The following IRAG2 variants were observed in gnomAD, a reference collection of about 807,000 sequenced individuals.
IRAG2 encodes lymphoid restricted membrane protein.
In IRAG2, 45 loss-of-function variants were observed where a neutral mutation model predicts 69.9. That is an observed-to-expected ratio of 0.64 (90% CI 0.51 to 0.83). The LOEUF is 0.83. Ranked by LOEUF, IRAG2 falls within the 40% of genes least tolerant of loss-of-function variation. The probability of loss-of-function intolerance (pLI) is 0.00; values close to 1 mark genes in which losing one functional copy is unlikely to be tolerated. For synonymous variants in IRAG2, 193 were observed against 202.4 expected (o/e 0.95, Z 0.40); for missense variants, 520 against 587.0 (o/e 0.89, Z 1.18).
upstream of IRAG2, among the ~76,000 whole-genome samples, chr12:25,004,016 T>C (rs544584554): frequency 2.2e-3 from 328 of 152,348 alleles, 1 homozygote; most frequent in Middle Eastern, 6.8e-3. Context: ...TGTCAGAGAA[T>C]GGAGAAAGCA....
In IRAG2 at chr12:25,030,330, A is replaced by G. The variant is rs527568688; in HGVS notation, c.1514A>G (p.Gln505Arg). The change falls in exon 10 of 39, where the codon CAG becomes CGG. Residue 505 changes from glutamine (Q) to arginine (R), a missense_variant. Gln to Arg is a conservative substitution (Grantham distance 43). Transcript: ENST00000636465. Reference sequence around the variant, plus strand: ...TTGCTTAATAAAGATACAAGTTTGCAGAAGGTTGGTATTGTTCCTTACCAC... The same window carrying G: ...TTGCTTAATAAAGATACAAGTTTGCGGAAGGTTGGTATTGTTCCTTACCAC... 1.7e-5 allele frequency: 21 copies of G among 1,231,536 alleles called. No homozygotes were observed. In the African/African-American group the frequency reaches 3.1e-4, roughly 18 times the overall value. The allele number at this position is 1,231,536 out of a possible 1,614,324, so 76.3% of individuals were successfully genotyped here. A position where few individuals can be genotyped will look rare whatever the true frequency, so the allele number is the denominator to read the frequency against.
At chr12:25,014,434 A>G (rs183560489) in intron 3 of IRAG2, among the ~76,000 whole-genome samples, 7 of 152,304 alleles carry the variant, frequency 4.6e-5, no homozygotes, top group Admixed American at 3.9e-4. Context: ...CACAATGACA[A>G]ACAATGAGAT....
chr12:25,042,166 G>A (rs1944756027), intron 16 of IRAG2, among the ~76,000 whole-genome samples: 1 of 152,016 alleles, frequency 6.6e-6, no homozygotes, highest in Non-Finnish European at 1.5e-5. Flanking sequence ...TTTTGAGGGT[G>A]GATCTGATCA....
intron 3 of IRAG2, among the ~76,000 whole-genome samples, chr12:25,014,784 A>G (rs542051525): frequency 5.7e-4 from 87 of 151,604 alleles, no homozygotes; most frequent in African/African-American, 2.0e-3. Context: ...TGATCTTGCA[A>G]CCTCCACAAG....
chr12:25,085,362 G>T (rs923567914), intron 10 of IRAG2, among the ~76,000 whole-genome samples: 3 of 152,142 alleles, frequency 2.0e-5, no homozygotes, highest in African/African-American at 7.2e-5. Flanking sequence ...TGGGAAGGGG[G>T]TATTCCCCTG....
At chr12:25,031,597 CA>C (rs1370142174) in intron 10 of IRAG2, among the ~76,000 whole-genome samples, 3 of 152,160 alleles carry the variant, frequency 2.0e-5, no homozygotes, top group Non-Finnish European at 4.4e-5. Flanking sequence ...CTGGGTCAGA[CA>C]AACACAGATT....
chr12:25,056,858 G>C (rs1945285785), intron 1 of IRAG2, among the ~76,000 whole-genome samples: 1 of 152,150 alleles, frequency 6.6e-6, no homozygotes, highest in South Asian at 2.1e-4. Flanking sequence ...GCTTTATTTT[G>C]AGAAAATTAA....
upstream of IRAG2, among the ~76,000 whole-genome samples, chr12:25,051,715 C>T (rs551736969): frequency 9.8e-5 from 15 of 152,296 alleles, no homozygotes; most frequent in African/African-American, 2.9e-4. Flanking sequence ...TGCCTGGGGG[C>T]GGTCCTTCCT....
At chr12:25,032,396 C>G (rs957432411) in intron 12 of IRAG2, 2 of 399,024 alleles carry the variant, frequency 5.0e-6, no homozygotes, top group Non-Finnish European at 8.8e-6. Context: ...CCTTGCCAGC[C>G]TCCTCTCTTG....
chr12:25,106,978 C>G lies in IRAG2; in HGVS notation c.1184C>G (p.Thr395Arg). 6.2e-7 allele frequency: 1 copy of G among 1,605,064 alleles called. No homozygotes were observed. ...KDDSEPSGEE[T>R]VERTRKPSLS... Reference sequence around the variant, plus strand: ...GACTCAGAGCCATCTGGAGAAGAAACAGTAGAAAGGACAAGGAAGCCAAGT... The same window carrying G: ...GACTCAGAGCCATCTGGAGAAGAAAGAGTAGAAAGGACAAGGAAGCCAAGT... Residue 395 changes from threonine (T) to arginine (R), a missense_variant, in exon 21 of 22, where the codon ACA becomes AGA. Thr to Arg is a moderately conservative substitution (Grantham distance 71). Transcript: ENST00000556887.
intron 12 of IRAG2, among the ~76,000 whole-genome samples, chr12:25,032,839 G>T (rs1460117751): frequency 6.6e-6 from 1 of 152,076 alleles, no homozygotes; most frequent in Non-Finnish European, 1.5e-5. Flanking sequence ...AAATACCATC[G>T]CATTGGGGTT....
chr12:25,091,480 TTATC>T (rs1948059379), intron 14 of IRAG2, among the ~76,000 whole-genome samples: 1 of 152,208 alleles, frequency 6.6e-6, no homozygotes, highest in African/African-American at 2.4e-5. Context: ...CAATTTTTGC[TTATC>T]TATTCATACA....
chr12:25,108,098 G>A lies in IRAG2; in HGVS notation c.*38G>A, dbSNP rs1004687442. ...CTAATATATGGATCTTGATTTTTAAGTTTCAGTATCTGAACTTCGTAAATT... is the reference window on the plus strand; with the variant it reads ...CTAATATATGGATCTTGATTTTTAAATTTCAGTATCTGAACTTCGTAAATT... On this transcript the variant is annotated 3_prime_UTR_variant, in exon 22 of 22. Transcript: ENST00000556887. 2.5e-6 allele frequency: 4 copies of A among 1,597,196 alleles called. No individual in the cohort carries two copies. The African/African-American group carries it at 5.4e-5, about 21-fold the overall frequency.
chr12:25,092,400 C>CAAAA lies in IRAG2; in HGVS notation c.606+2215_606+2218dup, dbSNP rs776677425. 5.4e-3 allele frequency among the ~76,000 whole-genome samples: 634 copies of CAAAA among 117,350 alleles called. 11 individuals carry two copies. The highest frequency in any genetic ancestry group is 8.9e-3 in the Middle Eastern group (2 of 224). 77.0% of individuals were successfully genotyped at this position (117,350 alleles called of 152,430 possible). On this transcript the variant is annotated intron_variant, in intron 14 of 21. Transcript: ENST00000556887. ...GGGCAACAAGAGTGAAACTCCATCT[C>CAAAA]AAAAAAAAAAAAAAATTAACTGGGC...
chr12:25,010,534 C>T (rs1265101335), intron 2 of IRAG2, among the ~76,000 whole-genome samples: 1 of 151,860 alleles, frequency 6.6e-6, no homozygotes, highest in Non-Finnish European at 1.5e-5. Context: ...ATTTCTCTTT[C>T]TAATAGTGTC....
rs192172689 is a variant in IRAG2, at chr12:25,088,581, A to T, written c.373+424A>T. Among the ~76,000 whole-genome samples the T allele has an allele frequency of 6.4e-4, 98 of 152,334 alleles. No homozygotes were observed. The East Asian group carries it at 8.9e-3, about 14-fold the overall frequency. ...AGTCATAGAGACTCTACATGGGATCAATCTCTGACTAGCTATTGATCTTGG... is the reference window on the plus strand; with the variant it reads ...AGTCATAGAGACTCTACATGGGATCTATCTCTGACTAGCTATTGATCTTGG... On this transcript the variant is annotated intron_variant, in intron 11 of 21. Transcript: ENST00000556887.
At chr12:25,040,946 T>G (rs1944743540) in intron 16 of IRAG2, among the ~76,000 whole-genome samples, 3 of 151,416 alleles carry the variant, frequency 2.0e-5, no homozygotes, top group Admixed American at 2.0e-4. Flanking sequence ...TGTCAGAGAG[T>G]GTTATAAAGA....
chr12:25,015,802 A>G (rs1168111619), intron 5 of IRAG2, among the ~76,000 whole-genome samples: 1 of 152,242 alleles, frequency 6.6e-6, no homozygotes, highest in Non-Finnish European at 1.5e-5. Flanking sequence ...CATGAATGAG[A>G]AAAGCTGTTT....
chr12:25,010,682 C>T (rs1430899276), intron 2 of IRAG2, among the ~76,000 whole-genome samples: 2 of 151,736 alleles, frequency 1.3e-5, no homozygotes, highest in African/African-American at 4.8e-5. Flanking sequence ...ATCCTTATTT[C>T]CTTAAGGGAA....
Sources: allele counts gnomAD v4.1 joint callset (sites outside exome capture counted in the v4.1 genomes callset), GRCh38; gene constraint gnomAD v4.1.1; transcripts MANE v1.5; gene names NCBI Gene and HGNC (gene_info 2026-07-23, HGNC 2026-07-21).